ELAVL1: variants seen among roughly 807,000 people sequenced by gnomAD.
ELAVL1 encodes the protein ELAV-like protein 1.
Under a neutral mutation model 28.4 loss-of-function variants are expected in ELAVL1, and 1 was observed. That is an observed-to-expected ratio of 0.04 (90% CI 0.01 to 0.17). The LOEUF is 0.17. ELAVL1 is among the 10% of genes least tolerant of loss of function. ELAVL1 has a pLI of 1.00. For synonymous variants in ELAVL1, 174 were observed against 183.5 expected (o/e 0.95, Z 0.42); for missense variants, 157 against 447.2 (o/e 0.35, Z 5.85).
intron 3 of ELAVL1, among the ~76,000 whole-genome samples, chr19:7,974,386 A>G (rs1985220086): frequency 6.6e-6 from 1 of 152,240 alleles, no homozygotes; most frequent in South Asian, 2.1e-4. Flanking sequence ...CAAGTGTTCA[A>G]TATTAAACGA....
At chr19:7,970,449 C>G (rs965043366) in intron 4 of ELAVL1, among the ~76,000 whole-genome samples, 1 of 152,168 alleles carries the variant, frequency 6.6e-6, no homozygotes, top group African/African-American at 2.4e-5. Context: ...GCCACCGTGC[C>G]CGGCCTATTT....
rs200966998 is a variant in ELAVL1 at position 7,973,714 on chromosome 19, C to T, written c.430+11G>A. On this transcript the variant is annotated intron_variant, in intron 4 of 5. Coordinates refer to ENST00000407627, the MANE Select transcript of ELAVL1 (RefSeq NM_001419.3). ...AACACCCTCCCCACGCGTCTGGGGCCCCTCTGGTACCTGTAGTCTGATCCA... is the reference window on the plus strand; with the variant it reads ...AACACCCTCCCCACGCGTCTGGGGCTCCTCTGGTACCTGTAGTCTGATCCA... The T allele has an allele frequency of 5.6e-6, 9 of 1,610,608 alleles. No individual in the cohort carries two copies. In the East Asian group the frequency reaches 1.6e-4, roughly 28 times the overall value.
At chr19:8,003,370 A>G (rs906559276) in intron 1 of ELAVL1, among the ~76,000 whole-genome samples, 16 of 126,832 alleles carry the variant, frequency 1.3e-4, no homozygotes, top group Admixed American at 3.2e-4. Context: ...AAAAAAAAAA[A>G]AAAAGAAAAA....
chr19:7,975,249 G>C (rs1028295374), intron 3 of ELAVL1, among the ~76,000 whole-genome samples: 1 of 152,224 alleles, frequency 6.6e-6, no homozygotes, highest in Non-Finnish European at 1.5e-5. Flanking sequence ...TGTCTGGACT[G>C]GGGCAGTATT....
At chr19:7,988,643 G>A (rs1231056046) in intron 2 of ELAVL1, among the ~76,000 whole-genome samples, 2 of 152,144 alleles carry the variant, frequency 1.3e-5, no homozygotes, top group Admixed American at 1.3e-4. Context: ...TGCCTCCCAG[G>A]GGACATGCGG....
chr19:7,966,178 A>T (rs1237097838), intron 5 of ELAVL1, among the ~76,000 whole-genome samples: 1 of 152,154 alleles, frequency 6.6e-6, no homozygotes, highest in Non-Finnish European at 1.5e-5. Context: ...CAAAAAATAA[A>T]AACATTAAAA....
At chr19:7,980,200 G>C (rs1178012308) in intron 3 of ELAVL1, among the ~76,000 whole-genome samples, 1 of 152,138 alleles carries the variant, frequency 6.6e-6, no homozygotes, top group Non-Finnish European at 1.5e-5. Context: ...TTGTGAAGGC[G>C]GGCACTGAGG....
At chr19:7,966,053 G>A (rs575597214) in intron 5 of ELAVL1, among the ~76,000 whole-genome samples, 2 of 152,268 alleles carry the variant, frequency 1.3e-5, no homozygotes, top group African/African-American at 4.8e-5. Context: ...TTAAAACAAC[G>A]ATGGGGCCGG....
chr19:7,972,695 C>T (rs183136179), intron 4 of ELAVL1, among the ~76,000 whole-genome samples: 6 of 151,496 alleles, frequency 4.0e-5, no homozygotes, highest in East Asian at 1.9e-4. Flanking sequence ...GGCGCGATCA[C>T]GGCTCACCAC....
intron 1 of ELAVL1, among the ~76,000 whole-genome samples, chr19:7,995,109 T>G (rs1985843607): frequency 6.6e-6 from 1 of 152,146 alleles, no homozygotes; most frequent in Admixed American, 6.5e-5. Flanking sequence ...CATGAGAAAC[T>G]CCACGTGTCT....
chr19:7,988,929 G>A (rs1024237791), intron 2 of ELAVL1, among the ~76,000 whole-genome samples: 2 of 152,240 alleles, frequency 1.3e-5, no homozygotes, highest in Non-Finnish European at 2.9e-5. Flanking sequence ...ATCGGGGCTG[G>A]AGAGCTGGAG....
At position 7,979,681 on chromosome 19, in the gene ELAVL1, G is replaced by T. The variant is rs1167388078; in HGVS notation, c.276+1402C>A. On this transcript the variant is annotated intron_variant, in intron 3 of 5. Coordinates refer to ENST00000407627, the MANE Select transcript of ELAVL1 (RefSeq NM_001419.3). This position sits in a 1 kb window ranked among gnomAD's most constrained non-coding sequence, Gnocchi z 5.4. ...CCCTCACCAGCCCCCACCGGGGAAGGTGCCTCTGAGGACCTGCACTGGACA... is the reference window on the plus strand; with the variant it reads ...CCCTCACCAGCCCCCACCGGGGAAGTTGCCTCTGAGGACCTGCACTGGACA... Among the ~76,000 whole-genome samples the T allele has an allele frequency of 6.6e-6, 1 of 152,194 alleles. No individual in the cohort carries two copies. The highest frequency in any genetic ancestry group is 1.5e-5 in the Non-Finnish European group (1 of 68,034).
At chr19:7,989,024 G>A (rs1458962854) in intron 2 of ELAVL1, among the ~76,000 whole-genome samples, 3 of 152,150 alleles carry the variant, frequency 2.0e-5, no homozygotes, top group Non-Finnish European at 2.9e-5. Context: ...GGGTAAACAC[G>A]GGGAAATGGC....
chr19:8,001,924 C>A (rs543320300), intron 1 of ELAVL1: 53 of 571,592 alleles, frequency 9.3e-5, no homozygotes, highest in South Asian at 8.5e-4. Flanking sequence ...GACCCTCAAG[C>A]GGTTCAGCCA....
At chr19:7,973,649 G>A in intron 4 of ELAVL1, 76 bp downstream of exon 4, 3 of 1,517,918 alleles carry the variant, frequency 2.0e-6, no homozygotes, top group Non-Finnish European at 2.7e-6. Flanking sequence ...AAATCAAACG[G>A]TGATCTGCCT....
intron 2 of ELAVL1, among the ~76,000 whole-genome samples, chr19:7,987,836 C>T (rs908203913): frequency 1.3e-5 from 2 of 152,226 alleles, no homozygotes; most frequent in African/African-American, 4.8e-5. Flanking sequence ...CCCCACAGTG[C>T]AGGTCGGCCC....
intron 1 of ELAVL1, among the ~76,000 whole-genome samples, chr19:8,005,092 C>G (rs1056730622): frequency 2.6e-5 from 4 of 152,168 alleles, no homozygotes; most frequent in Middle Eastern, 6.3e-3. Context: ...TGTGGGATTT[C>G]CCGGGGGAGC....
intron 2 of ELAVL1, among the ~76,000 whole-genome samples, chr19:7,989,862 C>G (rs1985705189): frequency 6.6e-6 from 1 of 152,134 alleles, no homozygotes; most frequent in South Asian, 2.1e-4. Flanking sequence ...GAGCTAATTC[C>G]CTGTAGAGCG....
intron 5 of ELAVL1, among the ~76,000 whole-genome samples, chr19:7,966,088 T>C (rs918043322): frequency 6.6e-6 from 1 of 151,990 alleles, no homozygotes; most frequent in Non-Finnish European, 1.5e-5. Context: ...TCCCAGTACG[T>C]TGGGAGGCTG....
Sources: gnomAD v4.1 joint callset for allele counts (sites outside exome capture counted in the v4.1 genomes callset) on GRCh38, gnomAD v4.1.1 for gene constraint, Gnocchi (gnomAD v3.1) non-coding constraint, MANE v1.5 for transcripts, NCBI Gene and HGNC (gene_info 2026-07-23, HGNC 2026-07-21) for gene names.